The following RBM47 variants were observed in gnomAD, a reference collection of about 807,000 sequenced individuals.
The protein encoded by RBM47 is RNA binding motif protein 47.
Under a neutral mutation model 47.1 loss-of-function variants are expected in RBM47, and 21 were observed. The ratio of observed to expected loss-of-function variants is 0.45; its 90% confidence interval spans 0.32 to 0.64. The LOEUF is 0.64. Among genes scored for constraint, RBM47 ranks in the 30% least tolerant of loss-of-function variants. The pLI, the probability that RBM47 is intolerant of heterozygous loss-of-function variation, is 0.05. For synonymous variants in RBM47, 375 were observed against 361.7 expected (o/e 1.04, Z -0.42); for missense variants, 708 against 870.9 (o/e 0.81, Z 2.35).
chr4:40,617,360 C>T (rs1296520085), intron 1 of RBM47, among the ~76,000 whole-genome samples: 1 of 151,752 alleles, frequency 6.6e-6, no homozygotes, highest in Non-Finnish European at 1.5e-5. Flanking sequence ...AGATGGAGAC[C>T]ATCCTGTCCA....
intron 4 of RBM47, among the ~76,000 whole-genome samples, chr4:40,437,537 A>T (rs1353835888): frequency 6.6e-6 from 1 of 152,156 alleles, no homozygotes; most frequent in Non-Finnish European, 1.5e-5. Context: ...GCACTTGCAT[A>T]TTCCTGTGAT....
At chr4:40,471,685 C>T (rs1718893768) in intron 2 of RBM47, among the ~76,000 whole-genome samples, 2 of 148,954 alleles carry the variant, frequency 1.3e-5, no homozygotes, top group South Asian at 4.3e-4. Context: ...AAGAGCAAAA[C>T]TCCACCTCAA....
intron 3 of RBM47, among the ~76,000 whole-genome samples, chr4:40,457,587 C>A (rs189027648): frequency 6.6e-6 from 1 of 152,188 alleles, no homozygotes; most frequent in Non-Finnish European, 1.5e-5. Context: ...CATACCACCA[C>A]GCCCAGCTAA....
intron 3 of RBM47, among the ~76,000 whole-genome samples, chr4:40,462,201 G>T (rs1368783216): frequency 6.6e-6 from 1 of 152,124 alleles, no homozygotes; most frequent in East Asian, 1.9e-4. Flanking sequence ...TTCTCCAAGG[G>T]AAGTCTAGAC....
intron 3 of RBM47, among the ~76,000 whole-genome samples, chr4:40,461,790 T>C (rs1052658787): frequency 2.2e-4 from 33 of 151,802 alleles, no homozygotes; most frequent in Non-Finnish European, 4.4e-4. Context: ...CAAAAATTAG[T>C]CGGGCATGGT....
At chr4:40,478,688 A>G (rs1335824292) in intron 2 of RBM47, among the ~76,000 whole-genome samples, 1 of 152,056 alleles carries the variant, frequency 6.6e-6, no homozygotes, top group Non-Finnish European at 1.5e-5. Flanking sequence ...AGGTCTTGCT[A>G]TGTTACCCAG....
At position 40,628,270 on chromosome 4, in the gene RBM47, T is replaced by C. The variant is rs1737921913; in HGVS notation, c.-240+1126A>G. Among the ~76,000 whole-genome samples, 1 of 152,208 alleles carries C rather than the reference T, an allele frequency of 6.6e-6. No individual in the cohort carries two copies. The highest frequency in any genetic ancestry group is 1.5e-5 in the Non-Finnish European group (1 of 68,036). ...CTTTCTTTTTTTCCTTCTGTTTTCC[T>C]TTCAGACTGGGTTGATTTTAGTTCC... On this transcript the variant is annotated intron_variant, in intron 1 of 6. Coordinates refer to ENST00000295971, the MANE Select transcript of RBM47 (RefSeq NM_001098634.2). The surrounding 1 kb of genome is among the most constrained non-coding windows in gnomAD (Gnocchi z 4.0).
At chr4:40,586,146 C>T (rs974981026) in intron 1 of RBM47, among the ~76,000 whole-genome samples, 1 of 152,100 alleles carries the variant, frequency 6.6e-6, no homozygotes, top group Non-Finnish European at 1.5e-5. Context: ...ATCCCCCCAC[C>T]CTCACCACAC....
intron 1 of RBM47, among the ~76,000 whole-genome samples, chr4:40,602,173 C>G (rs1314310567): frequency 6.7e-6 from 1 of 149,382 alleles, no homozygotes; most frequent in Non-Finnish European, 1.5e-5. Context: ...AAGACTCCAT[C>G]GAGAAAAAGA....
In RBM47 at chr4:40,491,000, C is replaced by T. The variant is rs144503042; in HGVS notation, c.-154-24301G>A. ...AGAAGAACAAAGCTCAAGGACTCACCCTTCCAGGTTTCAAAATTTACTACA... is the reference window on the plus strand; with the variant it reads ...AGAAGAACAAAGCTCAAGGACTCACTCTTCCAGGTTTCAAAATTTACTACA... On this transcript the variant is annotated intron_variant, in intron 2 of 6. Coordinates refer to ENST00000295971, the MANE Select transcript of RBM47 (RefSeq NM_001098634.2). Among the ~76,000 whole-genome samples, 208 of 152,168 alleles carry T rather than the reference C, an allele frequency of 1.4e-3. 2 individuals carry two copies. Among genetic ancestry groups the T allele is most frequent in the East Asian group, 1.9e-4 (1 of 5,184 alleles).
At chr4:40,466,790 C>A (rs993860610) in intron 2 of RBM47, 91 bp from the exon 3 acceptor site, 2 of 126,770 alleles carry the variant, frequency 1.6e-5, no homozygotes, top group Admixed American at 9.0e-5. Flanking sequence ...GGGGGCAGAT[C>A]CTCTTGCGTA....
chr4:40,577,198 G>A (rs1732421714), intron 1 of RBM47, among the ~76,000 whole-genome samples: 1 of 152,136 alleles, frequency 6.6e-6, no homozygotes, highest in African/African-American at 2.4e-5. Flanking sequence ...TAGCCTTCCT[G>A]GAGTGCTGAG....
chr4:40,508,217 T>TA (rs1249262364), intron 2 of RBM47, among the ~76,000 whole-genome samples: 2 of 152,234 alleles, frequency 1.3e-5, no homozygotes, highest in African/African-American at 4.8e-5. Flanking sequence ...AGCCTCACTG[T>TA]AAAGTCATAA....
intron 2 of RBM47, among the ~76,000 whole-genome samples, chr4:40,483,622 G>C (rs146880828): frequency 3.3e-5 from 5 of 152,158 alleles, no homozygotes; most frequent in Non-Finnish European, 7.3e-5. Context: ...CTTGAACCCG[G>C]GAGTCAGAGG....
intron 3 of RBM47, among the ~76,000 whole-genome samples, chr4:40,461,415 GT>G (rs993934964): frequency 2.6e-5 from 4 of 152,132 alleles, no homozygotes; most frequent in African/African-American, 9.7e-5. Flanking sequence ...CTTGCAAATG[GT>G]TTTTTTAGAC....
chr4:40,557,663 C>A (rs1011905376), intron 1 of RBM47, among the ~76,000 whole-genome samples: 1 of 152,066 alleles, frequency 6.6e-6, no homozygotes, highest in Non-Finnish European at 1.5e-5. Context: ...GCAGGAGAAT[C>A]GCTTGAACCC....
intron 3 of RBM47, among the ~76,000 whole-genome samples, chr4:40,450,817 C>T (rs1024994498): frequency 2.0e-5 from 3 of 151,946 alleles, no homozygotes; most frequent in African/African-American, 7.3e-5. Flanking sequence ...GCAAAAGCCC[C>T]CTACCTCCAC....
At chr4:40,535,389 T>TCTTTTTTTTTTTTTTTTTTTTTTTTTG (rs1374396795) in intron 2 of RBM47, among the ~76,000 whole-genome samples, 1 of 119,266 alleles carries the variant, frequency 8.4e-6, no homozygotes, top group African/African-American at 3.2e-5. Context: ...TTTTTTTTTT[T>TCTTTTTTTTTTTTTTTTTTTTTTTTTG]TGAGACGGAG....
intron 2 of RBM47, chr4:40,514,833 A>C (rs924356692): frequency 2.6e-5 from 4 of 152,230 alleles, no homozygotes; most frequent in African/African-American, 9.6e-5. Flanking sequence ...ATAAACCTTG[A>C]CGCTGGAAGC....
Sources: gnomAD v4.1 joint callset for allele counts (sites outside exome capture counted in the v4.1 genomes callset) on GRCh38, gnomAD v4.1.1 for gene constraint, Gnocchi (gnomAD v3.1) non-coding constraint, MANE v1.5 for transcripts, NCBI Gene and HGNC (gene_info 2026-07-23, HGNC 2026-07-21) for gene names.